The following AGBL4 variants were observed in gnomAD, a reference collection of about 807,000 sequenced individuals.
AGBL4 encodes the protein AGBL carboxypeptidase 4, also known as cytosolic carboxypeptidase 6.
In AGBL4, 58 loss-of-function variants were observed where a neutral mutation model predicts 66.4. That is an observed-to-expected ratio of 0.87 (90% CI 0.71 to 1.09). The LOEUF is 1.09. AGBL4 is among the 50% of genes least tolerant of loss of function. AGBL4 has a pLI of 0.00. For missense variants in AGBL4, 579 were observed against 631.0 expected (o/e 0.92, Z 0.88); for synonymous variants, 234 against 222.9 (o/e 1.05, Z -0.44).
At chr1:49,333,205 C>T (rs1188660276) in intron 3 of AGBL4, among the ~76,000 whole-genome samples, 2 of 152,064 alleles carry the variant, frequency 1.3e-5, no homozygotes, top group Non-Finnish European at 2.9e-5. Context: ...AAAGGCTGGG[C>T]GCAGTGGCTC....
intron 3 of AGBL4, among the ~76,000 whole-genome samples, chr1:49,502,122 G>A (rs1053441833): frequency 6.6e-6 from 1 of 152,144 alleles, no homozygotes; most frequent in African/African-American, 2.4e-5. Flanking sequence ...TCTGTGTAAT[G>A]GTTAATATTA....
chr1:48,689,443 TCCC>T (rs1646592849), intron 6 of AGBL4, among the ~76,000 whole-genome samples: 2 of 138,064 alleles, frequency 1.4e-5, no homozygotes, highest in African/African-American at 5.2e-5. Context: ...TTTCCTTCCC[TCCC>T]TCCCTCCCTC....
intron 5 of AGBL4, among the ~76,000 whole-genome samples, chr1:48,967,008 T>C (rs1658486000): frequency 6.6e-6 from 1 of 151,278 alleles, no homozygotes; most frequent in South Asian, 2.1e-4. Flanking sequence ...AGCCATATTG[T>C]AGTGTTCGGT....
intron 6 of AGBL4, among the ~76,000 whole-genome samples, chr1:48,768,009 G>A (rs1298585699): frequency 6.6e-6 from 1 of 152,132 alleles, no homozygotes; most frequent in Non-Finnish European, 1.5e-5. Flanking sequence ...CAGAAACTGA[G>A]GCTCAAAGAA....
intron 1 of AGBL4, among the ~76,000 whole-genome samples, chr1:49,948,027 A>AATAT (rs369140618): frequency 0.067 from 5,089 of 75,622 alleles, 361 homozygotes; most frequent in African/African-American, 0.16. Context: ...AATATATATA[A>AATAT]ATATATATAC....
chr1:49,939,025 T>C (rs868362668), intron 1 of AGBL4, among the ~76,000 whole-genome samples: 17 of 152,026 alleles, frequency 1.1e-4, no homozygotes, highest in African/African-American at 7.3e-5. Flanking sequence ...AAAATCAATG[T>C]ACAAAAATCA....
rs78659377 is a variant in AGBL4 at position 48,889,647 on chromosome 1, G to A, written c.595-22417C>T. On this transcript the variant is annotated intron_variant, in intron 5 of 13. Transcript: ENST00000371839. ...AGTTATGAAATGTGTCAGATTTAGG[G>A]TCCAGACTAAGTATTTCATAAATCT... 4.5e-3 allele frequency among the ~76,000 whole-genome samples: 679 copies of A among 152,250 alleles called. 4 individuals are homozygous for A. Among genetic ancestry groups the A allele is most frequent in the Non-Finnish European group, 7.8e-3 (533 of 68,014 alleles).
chr1:48,534,145 C>G lies in AGBL4; in HGVS notation c.*28G>C. On this transcript the variant is annotated 3_prime_UTR_variant, in exon 14 of 14. Transcript: ENST00000371839. The stretch of plus-strand genomic sequence containing the variant: ...CAGCAGAAAATGCATGCTCCTGTCC[C>G]CATAAGACCTCCCAGGACTCCGTGT... The G allele has an allele frequency of 2.6e-6, 4 of 1,551,340 alleles. No individual in the cohort carries two copies. In the South Asian group the frequency reaches 4.8e-5, roughly 18 times the overall value.
At chr1:48,914,875 G>A (rs1653455014) in intron 5 of AGBL4, among the ~76,000 whole-genome samples, 1 of 152,168 alleles carries the variant, frequency 6.6e-6, no homozygotes, top group Admixed American at 6.5e-5. Flanking sequence ...CAGACTTTGA[G>A]CCAAGAACTT....
In AGBL4 at chr1:49,711,615, C is replaced by T. The variant is rs367851510; in HGVS notation, c.158-14178G>A. 3.4e-4 allele frequency among the ~76,000 whole-genome samples: 52 copies of T among 152,090 alleles called. 1 individual carries two copies. In the South Asian group the frequency reaches 9.5e-3, roughly 28 times the overall value. ...AGGAGCCTGAGAAATCTTGCAGGCG[C>T]TGGATATATTTGCTCTCTTGATTGT... On this transcript the variant is annotated intron_variant, in intron 2 of 13. Transcript: ENST00000371839.
At chr1:49,562,006 G>T (rs1214746567) in intron 3 of AGBL4, among the ~76,000 whole-genome samples, 1 of 152,040 alleles carries the variant, frequency 6.6e-6, no homozygotes, top group African/African-American at 2.4e-5. Flanking sequence ...CATTCTAACT[G>T]GTGTGAGATG....
intron 6 of AGBL4, among the ~76,000 whole-genome samples, chr1:48,799,990 T>C (rs977668545): frequency 6.6e-6 from 1 of 152,172 alleles, no homozygotes; most frequent in African/African-American, 2.4e-5. Context: ...CTGGTTTTGG[T>C]ATTAGGGTGA....
intron 4 of AGBL4, among the ~76,000 whole-genome samples, chr1:49,075,119 A>C (rs960322306): frequency 2.6e-5 from 4 of 152,204 alleles, no homozygotes; most frequent in Non-Finnish European, 5.9e-5. Flanking sequence ...TTTTGAACAT[A>C]ATGTTTTTTG....
chr1:49,948,566 T>TAG lies in AGBL4; in HGVS notation c.34+75196_34+75197insCT, dbSNP rs1444813022. 4.2e-3 allele frequency among the ~76,000 whole-genome samples: 201 copies of TAG among 48,238 alleles called. 3 individuals carry two copies. The highest frequency in any genetic ancestry group is 0.023 in the Admixed American group (104 of 4,504). The allele number at this position is 48,238 out of a possible 152,430, so 31.6% of individuals were successfully genotyped here. On this transcript the variant is annotated intron_variant, in intron 1 of 13. Transcript: ENST00000371839. Reference sequence around the variant, plus strand: ...ATAAATATATATAAATATATAAAAATATATATATATATATATAGAGAGAGA... The same window carrying TAG: ...ATAAATATATATAAATATATAAAAATAGATATATATATATATATAGAGAGAGA...
chr1:49,374,901 G>C (rs1570557772), intron 3 of AGBL4, among the ~76,000 whole-genome samples: 1 of 152,192 alleles, frequency 6.6e-6, no homozygotes, highest in East Asian at 1.9e-4. Context: ...TAGCTTCCCA[G>C]TAACTATAAG....
intron 1 of AGBL4, among the ~76,000 whole-genome samples, chr1:49,915,153 G>A (rs1455122020): frequency 6.6e-6 from 1 of 152,158 alleles, no homozygotes; most frequent in Non-Finnish European, 1.5e-5. Flanking sequence ...AGCTCCCAGC[G>A]TGAGCAACGC....
At chr1:49,250,558 C>G (rs1651970387) in intron 3 of AGBL4, among the ~76,000 whole-genome samples, 1 of 151,600 alleles carries the variant, frequency 6.6e-6, no homozygotes, top group Admixed American at 6.6e-5. Context: ...ATTCTCCTGC[C>G]TCAGCCTCCT....
At chr1:48,914,271 C>A (rs1477848041) in intron 5 of AGBL4, among the ~76,000 whole-genome samples, 4 of 152,100 alleles carry the variant, frequency 2.6e-5, no homozygotes, top group Non-Finnish European at 5.9e-5. Flanking sequence ...TGCTATGTCA[C>A]AGTAGCCTAT....
Position 49,267,452 on chromosome 1 carries a change from G to A in AGBL4, c.283-21588C>T, listed in dbSNP as rs113631933. Among the ~76,000 whole-genome samples, 264 of 152,236 alleles carry A rather than the reference G, an allele frequency of 1.7e-3. 1 individual carries two copies. The highest frequency in any genetic ancestry group is 5.8e-3 in the African/African-American group (243 of 41,550). On this transcript the variant is annotated intron_variant, in intron 3 of 13. Coordinates refer to ENST00000371839, the MANE Select transcript of AGBL4 (RefSeq NM_032785.4). The stretch of plus-strand genomic sequence containing the variant: ...TCCCAGCACTTTGGGAGGCCAAAGC[G>A]GGCAGATCACGAGGTCAGGAGATTG...
Sources: allele counts gnomAD v4.1 joint callset (sites outside exome capture counted in the v4.1 genomes callset), GRCh38; gene constraint gnomAD v4.1.1; transcripts MANE v1.5; gene names NCBI Gene and HGNC (gene_info 2026-07-23, HGNC 2026-07-21).